Variants in SND1 observed in about 807,000 individuals in gnomAD.
SND1 encodes staphylococcal nuclease domain-containing protein 1.
In SND1, 38 loss-of-function variants were observed where a neutral mutation model predicts 121.7. That is an observed-to-expected ratio of 0.31 (90% confidence interval 0.24 to 0.41). SND1 has a LOEUF of 0.41. Among genes scored for constraint, SND1 ranks in the 10% least tolerant of loss-of-function variants. The pLI is 1.00. For synonymous variants in SND1, 401 were observed against 447.4 expected (o/e 0.90, Z 1.31); for missense variants, 868 against 1,184.6 (o/e 0.73, Z 3.92).
intron 1 of SND1, among the ~76,000 whole-genome samples, chr7:127,670,314 G>T (rs1795493653): frequency 6.6e-6 from 1 of 151,140 alleles, no homozygotes; most frequent in South Asian, 2.1e-4. Context: ...TTTTTAAGAT[G>T]CCTGTGTTGC....
intron 11 of SND1, among the ~76,000 whole-genome samples, chr7:127,841,678 C>G (rs114721008): frequency 6.2e-4 from 94 of 151,426 alleles, no homozygotes; most frequent in African/African-American, 2.1e-3. Context: ...GCAGCCCTCT[C>G]ATTCCTTGCC....
chr7:127,904,694 C>A, intron 13 of SND1, 53 bp from the exon 14 acceptor site: 1 of 1,242,548 alleles, frequency 8.0e-7, no homozygotes, highest in African/African-American at 1.5e-5. Context: ...ACCCTCCTAC[C>A]CCTTCCCATT....
intron 16 of SND1, among the ~76,000 whole-genome samples, chr7:128,007,746 C>G (rs1803018413): frequency 6.6e-6 from 1 of 152,146 alleles, no homozygotes; most frequent in Non-Finnish European, 1.5e-5. Flanking sequence ...CTACATTTCT[C>G]CAAAGAGCAT....
chr7:128,032,540 C>A (rs1006820897), intron 16 of SND1, among the ~76,000 whole-genome samples: 9 of 151,754 alleles, frequency 5.9e-5, no homozygotes, highest in Non-Finnish European at 8.8e-5. Context: ...GGCCCCCGCC[C>A]TCCGGCCCGC....
At chr7:127,829,734 G>T (rs946958205) in intron 11 of SND1, among the ~76,000 whole-genome samples, 3 of 152,194 alleles carry the variant, frequency 2.0e-5, no homozygotes, top group African/African-American at 7.2e-5. Context: ...GAAGTCTGCT[G>T]TATACTTCAG....
chr7:127,768,510 T>A (rs988185625), intron 10 of SND1, among the ~76,000 whole-genome samples: 3 of 152,198 alleles, frequency 2.0e-5, no homozygotes, highest in African/African-American at 7.2e-5. Flanking sequence ...TTCTATGATC[T>A]TGATAGTTGA....
In SND1 at chr7:128,030,496, C is replaced by T. The variant is rs774032114; in HGVS notation, c.1779+39440C>T. The T allele has an allele frequency of 1.2e-5, 20 of 1,613,400 alleles. No individual in the cohort carries two copies. Among genetic ancestry groups the T allele is most frequent in the Non-Finnish European group, 1.7e-5 (20 of 1,179,936 alleles). ...CTGAACTGGTTACTGCACGAGCAGA[C>T]GGAGGGGCAGTTCTGGGGCCCGGCT... On this transcript the variant is annotated intron_variant, in intron 16 of 23. Coordinates refer to ENST00000354725, the MANE Select transcript of SND1 (RefSeq NM_014390.4).
intron 15 of SND1, 146 bp from the exon 16 acceptor site, chr7:127,990,801 C>T (rs915575774): frequency 2.1e-5 from 13 of 609,128 alleles, no homozygotes; most frequent in Admixed American, 2.1e-4. Context: ...CCACTTCTCC[C>T]ATTACCTCTG....
chr7:127,708,846 C>T (rs1334685162), intron 9 of SND1, among the ~76,000 whole-genome samples: 2 of 152,154 alleles, frequency 1.3e-5, no homozygotes, highest in African/African-American at 2.4e-5. Flanking sequence ...TGGTTAAGTG[C>T]CAAATTCTTG....
intron 12 of SND1, among the ~76,000 whole-genome samples, chr7:127,870,584 T>G (rs1177780120): frequency 6.6e-6 from 1 of 152,202 alleles, no homozygotes; most frequent in African/African-American, 2.4e-5. Context: ...TAGGCAGTTA[T>G]ATAACACAAT....
intron 10 of SND1, among the ~76,000 whole-genome samples, chr7:127,782,906 A>C (rs1797748411): frequency 6.6e-6 from 1 of 152,222 alleles, no homozygotes; most frequent in Non-Finnish European, 1.5e-5. Context: ...CAGCAAGTGA[A>C]GCATTATCTT....
At chr7:127,705,104 C>G (rs1304352669) in intron 8 of SND1, among the ~76,000 whole-genome samples, 159 bp downstream of exon 8, 1 of 152,156 alleles carries the variant, frequency 6.6e-6, no homozygotes, top group Non-Finnish European at 1.5e-5. Context: ...AAATATTGGT[C>G]TTCAGGTTCA....
chr7:127,751,042 G>A (rs1207004058), intron 10 of SND1, among the ~76,000 whole-genome samples: 1 of 152,148 alleles, frequency 6.6e-6, no homozygotes, highest in Admixed American at 6.5e-5. Context: ...TGGCTCTGAA[G>A]AGGTAGAATA....
At chr7:127,902,597 C>G (rs1265506538) in intron 13 of SND1, among the ~76,000 whole-genome samples, 1 of 152,198 alleles carries the variant, frequency 6.6e-6, no homozygotes, top group African/African-American at 2.4e-5. Flanking sequence ...GCTTGCAAAT[C>G]CCAAAGGGTG....
Position 127,701,331 on chromosome 7 carries a change from T to C in SND1, c.589+8T>C. 1 of 1,613,356 alleles carries C rather than the reference T, an allele frequency of 6.2e-7. No homozygotes were observed. The highest frequency in any genetic ancestry group is 1.1e-5 in the South Asian group (1 of 90,964). ...ACCAGAAGCCTGTTAATGGTGAGGC[T>C]GGTGGGAACAGACAGATACGACTCA... On this transcript the variant is annotated splice_region_variant and intron_variant, in intron 5 of 23. Coordinates refer to ENST00000354725, the MANE Select transcript of SND1 (RefSeq NM_014390.4).
intron 16 of SND1, among the ~76,000 whole-genome samples, chr7:128,043,205 CCT>C (rs1792886333): frequency 2.0e-5 from 3 of 152,028 alleles, no homozygotes; most frequent in Non-Finnish European, 4.4e-5. Flanking sequence ...GTCTCTCTCC[CCT>C]CTCATATTTC....
intron 15 of SND1, among the ~76,000 whole-genome samples, chr7:127,953,425 C>G (rs1388471254): frequency 6.6e-6 from 1 of 152,046 alleles, no homozygotes; most frequent in African/African-American, 2.4e-5. Flanking sequence ...TCTTTTCCCA[C>G]CTACTTCTAT....
intron 12 of SND1, among the ~76,000 whole-genome samples, chr7:127,845,650 A>G (rs1563033309): frequency 6.6e-6 from 1 of 152,194 alleles, no homozygotes; most frequent in African/African-American, 2.4e-5. Flanking sequence ...TTAGTATTCT[A>G]TCTAAATATT....
At chr7:127,841,888 T>C (rs957742055) in intron 11 of SND1, among the ~76,000 whole-genome samples, 12 of 152,214 alleles carry the variant, frequency 7.9e-5, no homozygotes, top group Admixed American at 7.2e-4. Flanking sequence ...GTCATCTTTA[T>C]ATTTTCTTAC....
Sources: allele counts gnomAD v4.1 joint callset (sites outside exome capture counted in the v4.1 genomes callset), GRCh38; gene constraint gnomAD v4.1.1; transcripts MANE v1.5; gene names NCBI Gene and HGNC (gene_info 2026-07-23, HGNC 2026-07-21).